TAS2R1: variants seen among roughly 807,000 people sequenced by gnomAD.
The protein encoded by TAS2R1 is taste 2 receptor member 1, also known as taste receptor type 2 member 1.
For synonymous variants in TAS2R1, 141 were observed against 134.2 expected (o/e 1.05, Z -0.35); for missense variants, 370 against 353.4 (o/e 1.05, Z -0.38).
Position 9,629,065 on chromosome 5 carries a change from G to A in TAS2R1, c.*68C>T. 2.7e-6 allele frequency: 4 copies of A among 1,461,766 alleles called. No individual in the cohort carries two copies. Among genetic ancestry groups the A allele is most frequent in the Non-Finnish European group, 3.6e-6 (4 of 1,096,816 alleles). The allele number at this position is 1,461,766 out of a possible 1,614,324, so 90.5% of individuals were successfully genotyped here. On this transcript the variant is annotated 3_prime_UTR_variant, in exon 1 of 1. Transcript: ENST00000382492. Reference sequence around the variant, plus strand: ...TATGAACAGGCTGCTTTGTCTGGCTGAGGGAAGTGTGGCAGGCATGGGTAA... The same window carrying A: ...TATGAACAGGCTGCTTTGTCTGGCTAAGGGAAGTGTGGCAGGCATGGGTAA...
the TAS2R1 span, among the ~76,000 whole-genome samples, chr5:9,750,152 TC>T: frequency 6.6e-6 from 1 of 152,212 alleles, no homozygotes; most frequent in Non-Finnish European, 1.5e-5. Flanking sequence ...TCCACTCACT[TC>T]CTGTGAAATC....
the TAS2R1 span, among the ~76,000 whole-genome samples, chr5:9,895,867 C>G: frequency 6.6e-6 from 1 of 152,236 alleles, no homozygotes; most frequent in Admixed American, 6.5e-5. Context: ...GAGTTACAGT[C>G]AAGAAGCCAT....
intron 1 of TAS2R1, among the ~76,000 whole-genome samples, chr5:9,683,897 G>A (rs1002479261): frequency 2.0e-5 from 3 of 152,080 alleles, no homozygotes; most frequent in Non-Finnish European, 2.9e-5. Flanking sequence ...ATTCTTTACT[G>A]TCAGGTTGCC....
the TAS2R1 span, among the ~76,000 whole-genome samples, chr5:9,865,216 G>A: frequency 6.6e-6 from 1 of 152,062 alleles, no homozygotes; most frequent in Non-Finnish European, 1.5e-5. Flanking sequence ...CCTGGATGAG[G>A]GTATGAATGA....
the TAS2R1 span, among the ~76,000 whole-genome samples, chr5:9,782,770 C>T: frequency 6.6e-6 from 1 of 151,882 alleles, no homozygotes; most frequent in Admixed American, 6.6e-5. Context: ...CTAAATGTTG[C>T]CTTGTCCAGT....
chr5:9,637,419 T>C (rs1739985249), intron 2 of TAS2R1, among the ~76,000 whole-genome samples: 1 of 152,238 alleles, frequency 6.6e-6, no homozygotes, highest in African/African-American at 2.4e-5. Context: ...TGATGATCTT[T>C]TTGTGATTAA....
the TAS2R1 span, among the ~76,000 whole-genome samples, chr5:9,830,602 C>CGT: frequency 7.5e-5 from 5 of 66,688 alleles, no homozygotes; most frequent in Non-Finnish European, 1.1e-4. Flanking sequence ...GACACGTGCG[C>CGT]GCGCACACAC....
chr5:9,716,193 C>T (rs1038619235), upstream of TAS2R1, among the ~76,000 whole-genome samples: 6 of 152,168 alleles, frequency 3.9e-5, no homozygotes, highest in Non-Finnish European at 8.8e-5. Context: ...GGAATGTGCG[C>T]TGGGGAGGAG....
chr5:9,879,794 T>C, the TAS2R1 span, among the ~76,000 whole-genome samples: 1 of 152,318 alleles, frequency 6.6e-6, no homozygotes, highest in East Asian at 1.9e-4. Flanking sequence ...TGGTGAAATG[T>C]CTACAGCTTT....
At chr5:9,638,435 C>T (rs943157412) in intron 2 of TAS2R1, among the ~76,000 whole-genome samples, 1 of 152,174 alleles carries the variant, frequency 6.6e-6, no homozygotes, top group Non-Finnish European at 1.5e-5. Context: ...GTCATGTGGA[C>T]AGACTCAGGG....
the TAS2R1 span, among the ~76,000 whole-genome samples, chr5:9,784,285 G>A: frequency 1.3e-5 from 2 of 152,178 alleles, no homozygotes; most frequent in African/African-American, 4.8e-5. Flanking sequence ...CCAGGCCAAG[G>A]TCTGTCCACA....
At chr5:9,850,791 C>T in the TAS2R1 span, among the ~76,000 whole-genome samples, 2 of 152,234 alleles carry the variant, frequency 1.3e-5, no homozygotes, top group Non-Finnish European at 2.9e-5. Flanking sequence ...ATTTGTCTCT[C>T]ATACATGGTA....
At chr5:9,678,113 T>C (rs1740912911) in intron 1 of TAS2R1, among the ~76,000 whole-genome samples, 2 of 151,568 alleles carry the variant, frequency 1.3e-5, no homozygotes, top group African/African-American at 4.9e-5. Flanking sequence ...ATTAAAAAAA[T>C]GGGCAAAGGA....
chr5:9,868,418 A>T, the TAS2R1 span, among the ~76,000 whole-genome samples: 1 of 152,176 alleles, frequency 6.6e-6, no homozygotes, highest in Non-Finnish European at 1.5e-5. Context: ...TTGGGTCTGG[A>T]ACTCTCTGAA....
chr5:9,643,344 GT>G (rs1740124007), intron 2 of TAS2R1, among the ~76,000 whole-genome samples: 1 of 152,166 alleles, frequency 6.6e-6, no homozygotes, highest in South Asian at 2.1e-4. Flanking sequence ...GCTGTAGGCA[GT>G]TATAACACAG....
chr5:9,827,781 C>T, the TAS2R1 span, among the ~76,000 whole-genome samples: 1 of 152,092 alleles, frequency 6.6e-6, no homozygotes, highest in African/African-American at 2.4e-5. Context: ...AGAAGGAGAC[C>T]TTCTCTCTAA....
chr5:9,852,328 T>A, the TAS2R1 span, among the ~76,000 whole-genome samples: 3 of 152,210 alleles, frequency 2.0e-5, no homozygotes, highest in Admixed American at 2.0e-4. Context: ...TAACTGTAGA[T>A]CACAAGAGTG....
At chr5:9,871,231 C>T in the TAS2R1 span, among the ~76,000 whole-genome samples, 12 of 152,200 alleles carry the variant, frequency 7.9e-5, no homozygotes, top group Admixed American at 6.5e-4. Flanking sequence ...ATGAAAGATC[C>T]AAGTTGAAAG....
intron 1 of TAS2R1, among the ~76,000 whole-genome samples, chr5:9,701,552 G>A (rs1741485241): frequency 6.6e-6 from 1 of 152,310 alleles, no homozygotes; most frequent in East Asian, 1.9e-4. Context: ...GTTTCTCTGG[G>A]AAGCAAGAAC....
Sources: gnomAD v4.1 joint callset for allele counts (sites outside exome capture counted in the v4.1 genomes callset) on GRCh38, gnomAD v4.1.1 for gene constraint, MANE v1.5 for transcripts, NCBI Gene and HGNC (gene_info 2026-07-23, HGNC 2026-07-21) for gene names.